Variants in SHISA9 observed in about 807,000 individuals in gnomAD.
The protein encoded by SHISA9 is shisa family member 9.
A neutral mutation model predicts 38.0 loss-of-function variants in SHISA9; 13 were observed. That is an observed-to-expected ratio of 0.34 (90% CI 0.22 to 0.54). The LOEUF (loss-of-function observed/expected upper bound fraction) is 0.54. Among genes scored for constraint, SHISA9 ranks in the 20% least tolerant of loss-of-function variants. SHISA9 has a pLI of 0.91. For synonymous variants in SHISA9, 275 were observed against 242.0 expected (o/e 1.14, Z -1.27); for missense variants, 538 against 575.8 (o/e 0.93, Z 0.67).
the SHISA9 span, among the ~76,000 whole-genome samples, chr16:13,384,744 C>T: frequency 3.3e-5 from 5 of 152,200 alleles, no homozygotes; most frequent in Admixed American, 6.5e-5. Context: ...CTGCTAGACA[C>T]AAACACAAAG....
chr16:13,134,551 TG>T (rs2050332096), intron 2 of SHISA9, among the ~76,000 whole-genome samples: 1 of 152,268 alleles, frequency 6.6e-6, no homozygotes, highest in East Asian at 1.9e-4. Flanking sequence ...AGGATTTTTT[TG>T]TTTTTTCAGG....
At chr16:13,523,419 C>T in the SHISA9 span, among the ~76,000 whole-genome samples, 1 of 152,068 alleles carries the variant, frequency 6.6e-6, no homozygotes, top group Non-Finnish European at 1.5e-5. Context: ...GTGTCTTTGG[C>T]CATTTTTGCA....
At chr16:13,037,531 G>A (rs2073089104) in intron 2 of SHISA9, among the ~76,000 whole-genome samples, 1 of 152,064 alleles carries the variant, frequency 6.6e-6, no homozygotes, top group Non-Finnish European at 1.5e-5. Context: ...GGACAGGATG[G>A]TGGATGAGAG....
chr16:13,205,772 T>G (rs75892997), intron 3 of SHISA9, among the ~76,000 whole-genome samples: 1 of 152,100 alleles, frequency 6.6e-6, no homozygotes, highest in Non-Finnish European at 1.5e-5. Context: ...TCTTCTTTTT[T>G]CTTTTTTGAG....
intron 2 of SHISA9, among the ~76,000 whole-genome samples, chr16:13,181,589 C>T (rs910867946): frequency 2.6e-5 from 4 of 151,590 alleles, no homozygotes; most frequent in Admixed American, 1.3e-4. Context: ...TAAAGTGCAG[C>T]GGGAATTAGT....
chr16:13,207,470 TAA>T lies in SHISA9; in HGVS notation c.847+3930_847+3931del, dbSNP rs5815743. ...TGAATGAGCTTGTCTTTGACAAGAA[TAA>T]AAAAAAAAGGAATAGCTTGGTTGTA... On this transcript the variant is annotated intron_variant, in intron 3 of 4. Coordinates refer to ENST00000558583, the MANE Select transcript of SHISA9 (RefSeq NM_001145204.3). 1.3e-3 allele frequency among the ~76,000 whole-genome samples: 192 copies of T among 149,788 alleles called. 1 individual carries two copies. The highest frequency in any genetic ancestry group is 4.5e-3 in the African/African-American group (185 of 40,952).
At chr16:13,037,959 C>T (rs542837572) in intron 2 of SHISA9, among the ~76,000 whole-genome samples, 14 of 152,132 alleles carry the variant, frequency 9.2e-5, no homozygotes, top group Non-Finnish European at 1.5e-4. Context: ...CTGAAAGCAT[C>T]GTGCTATGCT....
intron 2 of SHISA9, among the ~76,000 whole-genome samples, chr16:12,967,301 T>C (rs2071992845): frequency 6.6e-6 from 1 of 152,062 alleles, no homozygotes; most frequent in African/African-American, 2.4e-5. Flanking sequence ...CAGCAAACTA[T>C]GGCAAGGACA....
At chr16:13,069,504 A>G (rs957847842) in intron 2 of SHISA9, among the ~76,000 whole-genome samples, 1 of 151,808 alleles carries the variant, frequency 6.6e-6, no homozygotes, top group Non-Finnish European at 1.5e-5. Context: ...ATGCATGTGT[A>G]TATGTGTATA....
intron 2 of SHISA9, among the ~76,000 whole-genome samples, chr16:13,080,586 A>G (rs993444293): frequency 2.6e-5 from 4 of 152,160 alleles, no homozygotes; most frequent in African/African-American, 9.7e-5. Flanking sequence ...AATTTCCTAA[A>G]AGAAGAGCAG....
intron 2 of SHISA9, among the ~76,000 whole-genome samples, chr16:12,947,594 G>C (rs1278053517): frequency 6.6e-6 from 1 of 152,172 alleles, no homozygotes; most frequent in Admixed American, 6.5e-5. Context: ...GACATCACGT[G>C]GTGGCTAACA....
the SHISA9 span, among the ~76,000 whole-genome samples, chr16:13,348,881 C>A: frequency 6.6e-6 from 1 of 152,064 alleles, no homozygotes; most frequent in Non-Finnish European, 1.5e-5. Flanking sequence ...TGTGGCCTCA[C>A]CAGCTTGTTT....
chr16:13,204,138 C>A (rs1267255159), intron 3 of SHISA9, among the ~76,000 whole-genome samples: 3 of 72,156 alleles, frequency 4.2e-5, no homozygotes, highest in Non-Finnish European at 9.6e-5. Context: ...TACCTATTAT[C>A]TATCTATCTA....
chr16:13,473,814 C>T, the SHISA9 span, among the ~76,000 whole-genome samples: 42,182 of 151,898 alleles, frequency 0.28, 6,151 homozygotes, highest in African/African-American at 0.36. Flanking sequence ...TGTGTGTGTT[C>T]TTTTTTAAAT....
At chr16:13,523,731 C>G in the SHISA9 span, among the ~76,000 whole-genome samples, 2 of 152,156 alleles carry the variant, frequency 1.3e-5, no homozygotes, top group African/African-American at 4.8e-5. Context: ...GAAACCACCC[C>G]CATGATCCAT....
chr16:13,099,129 A>G (rs2073854281), intron 2 of SHISA9, among the ~76,000 whole-genome samples: 2 of 152,260 alleles, frequency 1.3e-5, no homozygotes, highest in South Asian at 4.1e-4. Context: ...GCTGCAACAC[A>G]TCCATGTCAA....
chr16:13,449,200 C>T, the SHISA9 span, among the ~76,000 whole-genome samples: 1 of 152,064 alleles, frequency 6.6e-6, no homozygotes, highest in Non-Finnish European at 1.5e-5. Flanking sequence ...ATTAAATATA[C>T]AATATAGTCT....
the SHISA9 span, among the ~76,000 whole-genome samples, chr16:13,463,864 G>A: frequency 1.3e-5 from 2 of 152,218 alleles, no homozygotes; most frequent in African/African-American, 4.8e-5. Context: ...CCTGCCGTTG[G>A]CTCCCTGGAA....
the SHISA9 span, among the ~76,000 whole-genome samples, chr16:13,320,407 G>A: frequency 6.6e-6 from 1 of 151,292 alleles, no homozygotes; most frequent in Non-Finnish European, 1.5e-5. Context: ...GTGACCTTGA[G>A]CAAGTTATCT....
Sources: gnomAD v4.1 joint callset for allele counts (sites outside exome capture counted in the v4.1 genomes callset) on GRCh38, gnomAD v4.1.1 for gene constraint, MANE v1.5 for transcripts, NCBI Gene and HGNC (gene_info 2026-07-23, HGNC 2026-07-21) for gene names.